RBM47: variants seen among roughly 807,000 people sequenced by gnomAD.
RBM47 encodes RNA binding motif protein 47.
RBM47 carries 21 observed loss-of-function variants against 47.1 expected under a neutral mutation model. The ratio of observed to expected loss-of-function variants is 0.45; its 90% CI spans 0.32 to 0.64. The LOEUF is 0.64. Ranked by LOEUF, RBM47 falls within the 30% of genes least tolerant of loss-of-function variation. The pLI is 0.05. For missense variants in RBM47, 708 were observed against 870.9 expected (o/e 0.81, Z 2.35); for synonymous variants, 375 against 361.7 (o/e 1.04, Z -0.42).
At chr4:40,591,267 A>C (rs1413334569) in intron 1 of RBM47, among the ~76,000 whole-genome samples, 1 of 152,206 alleles carries the variant, frequency 6.6e-6, no homozygotes, top group Non-Finnish European at 1.5e-5. Flanking sequence ...AAGTAGGTAG[A>C]GGTGATGGTT....
chr4:40,629,875 C>T (rs1387175064), upstream of RBM47: 2 of 152,272 alleles, frequency 1.3e-5, no homozygotes, highest in East Asian at 1.9e-4. Context: ...GCGGGCCCTT[C>T]CCGGTTCCCT....
chr4:40,600,180 AT>A (rs3077519), intron 1 of RBM47, among the ~76,000 whole-genome samples: 125 of 144,872 alleles, frequency 8.6e-4, no homozygotes, highest in African/African-American at 1.4e-3. Flanking sequence ...TTTTTTATGA[AT>A]TTTTTTTTTT....
At chr4:40,506,486 A>AGTTCT (rs1724114996) in intron 2 of RBM47, among the ~76,000 whole-genome samples, 1 of 152,226 alleles carries the variant, frequency 6.6e-6, no homozygotes, top group South Asian at 2.1e-4. Flanking sequence ...CCATGGTTGG[A>AGTTCT]ATCTTTGTGG....
intron 1 of RBM47, among the ~76,000 whole-genome samples, chr4:40,621,960 A>G (rs1737304962): frequency 6.6e-6 from 1 of 152,226 alleles, no homozygotes; most frequent in Non-Finnish European, 1.5e-5. Context: ...CTCCTGGGAG[A>G]GGTCTGGGAG....
At chr4:40,625,616 T>C (rs903882034) in intron 1 of RBM47, among the ~76,000 whole-genome samples, 1 of 152,104 alleles carries the variant, frequency 6.6e-6, no homozygotes, top group African/African-American at 2.4e-5. Context: ...TCAGGGAATA[T>C]GAGCAAAACT....
At chr4:40,595,774 G>A (rs992563241) in intron 1 of RBM47, among the ~76,000 whole-genome samples, 3 of 150,878 alleles carry the variant, frequency 2.0e-5, no homozygotes, top group East Asian at 2.0e-4. Context: ...GCATGGTGGC[G>A]TGTGCCTATA....
chr4:40,616,871 TTTC>T lies in RBM47; in HGVS notation c.-240+12522_-240+12524del, dbSNP rs1412515366. Among the ~76,000 whole-genome samples the T allele has an allele frequency of 5.8e-4, 76 of 131,582 alleles. 1 individual carries two copies. Among genetic ancestry groups the T allele is most frequent in the African/African-American group, 2.2e-3 (68 of 30,576 alleles). 86.3% of individuals were successfully genotyped at this position (131,582 alleles called of 152,430 possible). ...TCCACTGTTTCATCTTATATTTTCT[TTTC>T]TTTTTTTTTTTTTTTTTTTGAGACA... On this transcript the variant is annotated intron_variant, in intron 1 of 6. Coordinates refer to ENST00000295971, the MANE Select transcript of RBM47 (RefSeq NM_001098634.2).
At chr4:40,597,350 C>G (rs1734850044) in intron 1 of RBM47, among the ~76,000 whole-genome samples, 1 of 152,112 alleles carries the variant, frequency 6.6e-6, no homozygotes, top group Non-Finnish European at 1.5e-5. Context: ...AATCCCAACA[C>G]TTTGGGAGGC....
At chr4:40,440,495 A>G (rs1278270575) in intron 3 of RBM47, among the ~76,000 whole-genome samples, 1 of 152,248 alleles carries the variant, frequency 6.6e-6, no homozygotes, top group Non-Finnish European at 1.5e-5. Flanking sequence ...TATTAAGGGA[A>G]ATTTCAAGGA....
In RBM47 at chr4:40,487,395, A is replaced by G. The variant is rs552723762; in HGVS notation, c.-154-20696T>C. Reference sequence around the variant, plus strand: ...ACTGCAAACTCCACCTCCCAGGTTCAAGTGATTTTCCTGCCTCCTGAGTAG... The same window carrying G: ...ACTGCAAACTCCACCTCCCAGGTTCGAGTGATTTTCCTGCCTCCTGAGTAG... On this transcript the variant is annotated intron_variant, in intron 2 of 6. Transcript: ENST00000295971. Among the ~76,000 whole-genome samples the G allele has an allele frequency of 7.9e-5, 12 of 152,268 alleles. No homozygotes were observed. The South Asian group carries it at 2.5e-3, about 32-fold the overall frequency.
chr4:40,553,156 A>G (rs1729734972), intron 1 of RBM47, among the ~76,000 whole-genome samples: 1 of 144,992 alleles, frequency 6.9e-6, no homozygotes, highest in Non-Finnish European at 1.5e-5. Context: ...TTTTTTTTTT[A>G]ATATGGAATA....
chr4:40,429,485 G>T (rs1163862811), intron 6 of RBM47, among the ~76,000 whole-genome samples: 1 of 151,872 alleles, frequency 6.6e-6, no homozygotes, highest in Non-Finnish European at 1.5e-5. Context: ...GATAAGGGGG[G>T]ACCAGTATAC....
At chr4:40,587,202 G>A (rs1733677819) in intron 1 of RBM47, among the ~76,000 whole-genome samples, 1 of 152,108 alleles carries the variant, frequency 6.6e-6, no homozygotes, top group Admixed American at 6.6e-5. Context: ...ACAAGCGGGG[G>A]AAAACGGGAA....
chr4:40,427,948 T>C (rs997092991), intron 6 of RBM47, among the ~76,000 whole-genome samples: 1 of 152,132 alleles, frequency 6.6e-6, no homozygotes, highest in Non-Finnish European at 1.5e-5. Context: ...CCTAGCACTT[T>C]GGGAGGTTGA....
At position 40,488,284 on chromosome 4, in the gene RBM47, T is replaced by C. The variant is rs144544983; in HGVS notation, c.-154-21585A>G. Among the ~76,000 whole-genome samples the C allele has an allele frequency of 6.2e-5, 8 of 129,746 alleles. No homozygotes were observed. In the East Asian group the frequency reaches 1.8e-3, roughly 29 times the overall value. The allele number at this position is 129,746 out of a possible 152,430, so 85.1% of individuals were successfully genotyped here. A position where few individuals can be genotyped will look rare whatever the true frequency, so the allele number is the denominator to read the frequency against. ...AGCAGAGGTTGCAGTGAGCCGAGAT[T>C]GTACAACTGCACTCCAGCCTAGGTG... is the stretch of plus-strand genomic sequence containing the variant. On this transcript the variant is annotated intron_variant, in intron 2 of 6. Transcript: ENST00000295971.
At chr4:40,625,766 T>A (rs920983204) in intron 1 of RBM47, among the ~76,000 whole-genome samples, 1 of 152,148 alleles carries the variant, frequency 6.6e-6, no homozygotes. Context: ...ATATCGTGAT[T>A]TGGGGAGACT....
chr4:40,584,727 C>CA lies in RBM47; in HGVS notation c.-239-40222dup, dbSNP rs200351107. Among the ~76,000 whole-genome samples, 1,245 of 150,128 alleles carry CA rather than the reference C, an allele frequency of 8.3e-3. 18 individuals carry two copies. The highest frequency in any genetic ancestry group is 0.029 in the African/African-American group (1,181 of 41,026). On this transcript the variant is annotated intron_variant, in intron 1 of 6. Coordinates refer to ENST00000295971, the MANE Select transcript of RBM47 (RefSeq NM_001098634.2). ...AGCTTCCCAATAAAGTTGTGTTTAA[C>CA]AAAAAAAAATGTACATGGCTTCAGT...
intron 2 of RBM47, among the ~76,000 whole-genome samples, chr4:40,541,699 C>T (rs1254439005): frequency 6.6e-6 from 1 of 151,836 alleles, no homozygotes; most frequent in Admixed American, 6.6e-5. Flanking sequence ...GATGGCACCA[C>T]TGCACTCCAA....
chr4:40,582,014 C>G (rs1281104220), intron 1 of RBM47, among the ~76,000 whole-genome samples: 1 of 152,054 alleles, frequency 6.6e-6, no homozygotes, highest in African/African-American at 2.4e-5. Flanking sequence ...ACCAGAATCC[C>G]GGTTGGCGCC....
Sources: gnomAD v4.1 joint callset for allele counts (sites outside exome capture counted in the v4.1 genomes callset) on GRCh38, gnomAD v4.1.1 for gene constraint, MANE v1.5 for transcripts, NCBI Gene and HGNC (gene_info 2026-07-23, HGNC 2026-07-21) for gene names.